BMP2K: variants seen among roughly 807,000 people sequenced by gnomAD.
BMP2K encodes BMP-2-inducible protein kinase.
Under a neutral mutation model 116.0 loss-of-function variants are expected in BMP2K, and 74 were observed. The ratio of observed to expected loss-of-function variants is 0.64; its 90% confidence interval spans 0.53 to 0.77. The LOEUF (loss-of-function observed/expected upper bound fraction) is 0.77, where lower values mean the gene tolerates loss of function less well. Ranked by LOEUF, BMP2K falls within the 30% of genes least tolerant of loss-of-function variation. The pLI is 0.00. For synonymous variants in BMP2K, 486 were observed against 502.5 expected (o/e 0.97, Z 0.44); for missense variants, 1,365 against 1,403.6 (o/e 0.97, Z 0.44).
intron 6 of BMP2K, 21 bp from the exon 7 acceptor site, chr4:78,850,903 T>G: frequency 6.2e-7 from 1 of 1,608,602 alleles, no homozygotes; most frequent in South Asian, 1.1e-5. Flanking sequence ...CTAATGATAT[T>G]TATGCTTCTT....
intron 1 of BMP2K, among the ~76,000 whole-genome samples, chr4:78,781,126 A>G (rs902996583): frequency 2.0e-5 from 3 of 152,206 alleles, no homozygotes; most frequent in Non-Finnish European, 2.9e-5. Context: ...CAAGGTGACC[A>G]GGGTCCGGGG....
At chr4:78,868,417 G>C (rs372582104) in intron 10 of BMP2K, among the ~76,000 whole-genome samples, 222 of 152,268 alleles carry the variant, frequency 1.5e-3, no homozygotes, top group African/African-American at 5.1e-3. Context: ...TTCAAGTTGT[G>C]ATTTGGGTGG....
In BMP2K at chr4:78,859,572, C is replaced by G; in HGVS notation, c.884-12C>G. On this transcript the variant is annotated splice_polypyrimidine_tract_variant and intron_variant, in intron 7 of 15. Coordinates refer to ENST00000502613, the MANE Select transcript of BMP2K (RefSeq NM_198892.2). ...TCATAAAACTTCTTAACATTTTGAT[C>G]TATTCTTGCAGGGTTCATGCTTGAA... 1 of 1,563,354 alleles carries G rather than the reference C, an allele frequency of 6.4e-7. No individual in the cohort carries two copies. The highest frequency in any genetic ancestry group is 8.7e-7 in the Non-Finnish European group (1 of 1,147,570).
At chr4:78,836,580 C>T (rs369133204) in intron 3 of BMP2K, among the ~76,000 whole-genome samples, 3 of 152,148 alleles carry the variant, frequency 2.0e-5, no homozygotes, top group Admixed American at 1.3e-4. Flanking sequence ...TTACCTTTGC[C>T]TCCCTTCTGT....
chr4:78,871,981 G>A (rs1732380228), intron 12 of BMP2K, 33 bp downstream of exon 12: 3 of 1,444,154 alleles, frequency 2.1e-6, no homozygotes, highest in African/African-American at 2.8e-5. Context: ...ATTTCTCTGA[G>A]TATACATTAT....
chr4:78,838,251 A>G (rs867555294), intron 3 of BMP2K, among the ~76,000 whole-genome samples: 8 of 152,142 alleles, frequency 5.3e-5, no homozygotes, highest in Non-Finnish European at 1.2e-4. Flanking sequence ...ACTTGCCCCC[A>G]TGTTTCAGCT....
At chr4:78,799,606 G>A (rs902607720) in intron 1 of BMP2K, among the ~76,000 whole-genome samples, 1 of 152,178 alleles carries the variant, frequency 6.6e-6, no homozygotes, top group African/African-American at 2.4e-5. Flanking sequence ...TTACATCCAA[G>A]TTTTATCTTA....
At chr4:78,878,919 C>T (rs758173201) in intron 14 of BMP2K, 28 bp downstream of exon 14, 10 of 1,593,308 alleles carry the variant, frequency 6.3e-6, no homozygotes, top group Non-Finnish European at 8.5e-6. Context: ...GCTTATTTTG[C>T]TTCACAGTAA....
At chr4:78,844,295 T>C (rs906096102) in intron 4 of BMP2K, among the ~76,000 whole-genome samples, 1 of 151,744 alleles carries the variant, frequency 6.6e-6, no homozygotes, top group Non-Finnish European at 1.5e-5. Flanking sequence ...TGCTAGTTAG[T>C]AGGAGATTGG....
At chr4:78,806,662 G>A (rs1728835326) in intron 1 of BMP2K, among the ~76,000 whole-genome samples, 1 of 151,964 alleles carries the variant, frequency 6.6e-6, no homozygotes, top group Non-Finnish European at 1.5e-5. Flanking sequence ...AAAAAGTGGT[G>A]GTGAGAAAAG....
At chr4:78,908,919 AAG>A (rs1370331725) in intron 15 of BMP2K, among the ~76,000 whole-genome samples, 6 of 152,036 alleles carry the variant, frequency 3.9e-5, no homozygotes, top group African/African-American at 1.4e-4. Flanking sequence ...GCCATCCACC[AAG>A]AGTTTTCAAT....
chr4:78,860,773 T>C (rs1254732703), intron 8 of BMP2K, among the ~76,000 whole-genome samples: 1 of 59,764 alleles, frequency 1.7e-5, no homozygotes, highest in African/African-American at 2.0e-4. Flanking sequence ...ACCTTTCCTT[T>C]TTTTTTTTTT....
At chr4:78,794,772 A>T (rs1728172586) in intron 1 of BMP2K, among the ~76,000 whole-genome samples, 1 of 152,152 alleles carries the variant, frequency 6.6e-6, no homozygotes, top group Admixed American at 6.5e-5. Flanking sequence ...TGTGTTTTCC[A>T]GGTTGGTCTT....
chr4:78,909,546 T>C (rs1413184393), intron 15 of BMP2K, among the ~76,000 whole-genome samples: 1 of 152,172 alleles, frequency 6.6e-6, no homozygotes, highest in East Asian at 1.9e-4. Context: ...CCTTGCTCAC[T>C]ATATTCCAGC....
intron 1 of BMP2K, among the ~76,000 whole-genome samples, chr4:78,802,997 C>T (rs1410682304): frequency 6.6e-6 from 1 of 151,948 alleles, no homozygotes; most frequent in Non-Finnish European, 1.5e-5. Context: ...TTACAGGCGC[C>T]TGCCACCACG....
chr4:78,807,487 A>G (rs1363375250), intron 1 of BMP2K, among the ~76,000 whole-genome samples: 2 of 151,554 alleles, frequency 1.3e-5, no homozygotes, highest in African/African-American at 4.8e-5. Flanking sequence ...TTTTTTGAGG[A>G]TTGGTGTTAA....
chr4:78,785,713 A>T (rs917919665), intron 1 of BMP2K, among the ~76,000 whole-genome samples: 2 of 152,232 alleles, frequency 1.3e-5, no homozygotes, highest in African/African-American at 4.8e-5. Flanking sequence ...ACAGATACAA[A>T]GTTTACCCTT....
chr4:78,787,967 G>A (rs1016598286), intron 1 of BMP2K, among the ~76,000 whole-genome samples: 2 of 152,002 alleles, frequency 1.3e-5, no homozygotes, highest in African/African-American at 4.8e-5. Context: ...TTATACATAA[G>A]TATTCTCTTT....
intron 1 of BMP2K, among the ~76,000 whole-genome samples, chr4:78,787,323 A>G (rs1419108306): frequency 6.6e-6 from 1 of 152,212 alleles, no homozygotes; most frequent in Non-Finnish European, 1.5e-5. Context: ...AGATGGATGA[A>G]AAAATACTAC....
Sources: allele counts gnomAD v4.1 joint callset (sites outside exome capture counted in the v4.1 genomes callset), GRCh38; gene constraint gnomAD v4.1.1; transcripts MANE v1.5; gene names NCBI Gene and HGNC (gene_info 2026-07-23, HGNC 2026-07-21).